Variants in KIAA1217 observed in about 807,000 individuals in gnomAD.
KIAA1217 encodes sickle tail protein homolog.
KIAA1217 carries 88 observed loss-of-function variants against 163.9 expected under a neutral mutation model. That is an observed-to-expected ratio of 0.54 (90% CI 0.45 to 0.64). The LOEUF (loss-of-function observed/expected upper bound fraction) is 0.64. KIAA1217 is among the 30% of genes least tolerant of loss of function. KIAA1217 has a pLI of 0.00. For missense variants in KIAA1217, 2,372 were observed against 2,475.0 expected (o/e 0.96, Z 0.88); for synonymous variants, 903 against 923.1 (o/e 0.98, Z 0.39).
chr10:23,745,921 C>T (rs189774130), intron 1 of KIAA1217, among the ~76,000 whole-genome samples: 7 of 152,338 alleles, frequency 4.6e-5, no homozygotes, highest in Admixed American at 2.6e-4. Flanking sequence ...ACCTTCCTTT[C>T]ATGGTTCAGA....
At chr10:24,096,943 A>G (rs1301023327) in intron 2 of KIAA1217, among the ~76,000 whole-genome samples, 1 of 152,244 alleles carries the variant, frequency 6.6e-6, no homozygotes, top group Non-Finnish European at 1.5e-5. Context: ...CAGGTGCTCC[A>G]TAAATATCTA....
intron 1 of KIAA1217, among the ~76,000 whole-genome samples, chr10:23,855,841 A>G (rs1418583428): frequency 6.6e-6 from 1 of 152,122 alleles, no homozygotes; most frequent in Non-Finnish European, 1.5e-5. Context: ...TGTAGTTCTC[A>G]AGCCTTGGCT....
At chr10:24,177,626 A>G (rs2065974053) in intron 2 of KIAA1217, among the ~76,000 whole-genome samples, 1 of 151,924 alleles carries the variant, frequency 6.6e-6, no homozygotes, top group Non-Finnish European at 1.5e-5. Context: ...TACTTTTACT[A>G]ATGTCTACAA....
chr10:24,502,854 G>A (rs2067844929), intron 9 of KIAA1217, among the ~76,000 whole-genome samples: 1 of 152,148 alleles, frequency 6.6e-6, no homozygotes, highest in South Asian at 2.1e-4. Flanking sequence ...AGGCATGGTG[G>A]GGTGTGCCTC....
At chr10:23,869,875 A>G (rs1236073643) in intron 1 of KIAA1217, among the ~76,000 whole-genome samples, 1 of 152,146 alleles carries the variant, frequency 6.6e-6, no homozygotes, top group Non-Finnish European at 1.5e-5. Flanking sequence ...TATTTAGTTA[A>G]TATCTTGTTG....
intron 1 of KIAA1217, among the ~76,000 whole-genome samples, chr10:23,727,577 A>T (rs7077287): frequency 0.22 from 33,801 of 152,088 alleles, 4,057 homozygotes; most frequent in African/African-American, 0.3. Flanking sequence ...TTTAAAAAAA[A>T]GTTGTTATGA....
At chr10:23,936,490 G>T (rs1220345160) in intron 1 of KIAA1217, among the ~76,000 whole-genome samples, 2 of 152,178 alleles carry the variant, frequency 1.3e-5, no homozygotes, top group Non-Finnish European at 2.9e-5. Context: ...TGGGTTCTAA[G>T]TTCAATCACT....
intron 1 of KIAA1217, among the ~76,000 whole-genome samples, chr10:23,962,784 T>C (rs1844872226): frequency 6.6e-6 from 1 of 152,200 alleles, no homozygotes; most frequent in Non-Finnish European, 1.5e-5. Context: ...TGTTTCCTCT[T>C]CTGTATAGAA....
intron 2 of KIAA1217, among the ~76,000 whole-genome samples, chr10:24,312,773 G>T (rs1364148892): frequency 6.6e-6 from 1 of 152,032 alleles, no homozygotes; most frequent in Non-Finnish European, 1.5e-5. Context: ...AAATTAGCTG[G>T]GTGTGATGGT....
chr10:24,256,265 T>C (rs2280171), intron 2 of KIAA1217, among the ~76,000 whole-genome samples: 112,578 of 151,924 alleles, frequency 0.74, 41,888 homozygotes, highest in Admixed American at 0.8. Context: ...TTGGAGCCCA[T>C]AGTGGCAATC....
At chr10:24,245,427 A>G (rs1049288600) in intron 2 of KIAA1217, among the ~76,000 whole-genome samples, 2 of 152,174 alleles carry the variant, frequency 1.3e-5, no homozygotes, top group African/African-American at 4.8e-5. Context: ...GACACTGTAG[A>G]CTTGCCAGAA....
chr10:24,508,384 C>T (rs1034030372), intron 9 of KIAA1217, among the ~76,000 whole-genome samples: 2 of 152,152 alleles, frequency 1.3e-5, no homozygotes, highest in Non-Finnish European at 2.9e-5. Flanking sequence ...CTACAGAAAA[C>T]ATAGTTAATG....
At chr10:24,166,111 T>C (rs2065332159) in intron 2 of KIAA1217, among the ~76,000 whole-genome samples, 1 of 152,106 alleles carries the variant, frequency 6.6e-6, no homozygotes, top group South Asian at 2.1e-4. Flanking sequence ...TTTTAGACAT[T>C]TGGACAAATC....
chr10:24,132,016 G>GTTCT (rs1254091370), intron 2 of KIAA1217, among the ~76,000 whole-genome samples: 8 of 152,270 alleles, frequency 5.3e-5, no homozygotes, highest in African/African-American at 1.9e-4. Flanking sequence ...ACAGCATGAG[G>GTTCT]TTCTGCTCCA....
chr10:24,305,563 C>G (rs1030746287), intron 2 of KIAA1217, among the ~76,000 whole-genome samples: 4 of 152,132 alleles, frequency 2.6e-5, no homozygotes, highest in African/African-American at 7.2e-5. Context: ...CTAAATCCCC[C>G]CCATGGTTAT....
At chr10:23,820,814 G>A (rs569002841) in intron 1 of KIAA1217, among the ~76,000 whole-genome samples, 1 of 152,258 alleles carries the variant, frequency 6.6e-6, no homozygotes, top group Admixed American at 6.5e-5. Flanking sequence ...GAGTTGGATG[G>A]CACTCATGTA....
At chr10:23,775,837 C>G (rs1413536127) in intron 1 of KIAA1217, among the ~76,000 whole-genome samples, 1 of 152,160 alleles carries the variant, frequency 6.6e-6, no homozygotes, top group Non-Finnish European at 1.5e-5. Context: ...CAAGACATTT[C>G]CATCACAGAC....
intron 1 of KIAA1217, among the ~76,000 whole-genome samples, chr10:23,939,697 T>G (rs1362975074): frequency 6.6e-6 from 1 of 151,570 alleles, no homozygotes; most frequent in Non-Finnish European, 1.5e-5. Flanking sequence ...ACTTAATTAG[T>G]GATAAAACAA....
At position 24,074,253 on chromosome 10, in the gene KIAA1217, G is replaced by A. The variant is rs145214532; in HGVS notation, c.-171+66879G>A. ...AATCCCAGTTACTCAGGAGGCTGAGGCAGGAGAATTGCTTGAACCCGGGAG... is the reference window on the plus strand; with the variant it reads ...AATCCCAGTTACTCAGGAGGCTGAGACAGGAGAATTGCTTGAACCCGGGAG... On this transcript the variant is annotated intron_variant, in intron 2 of 18. Coordinates refer to the KIAA1217 transcript ENST00000376462. Among the ~76,000 whole-genome samples, 158 of 152,226 alleles carry A rather than the reference G, an allele frequency of 1.0e-3. 1 individual carries two copies. Among genetic ancestry groups the A allele is most frequent in the African/African-American group, 3.7e-3 (153 of 41,544 alleles).
Sources: gnomAD v4.1 joint callset for allele counts (sites outside exome capture counted in the v4.1 genomes callset) on GRCh38, gnomAD v4.1.1 for gene constraint, MANE v1.5 for transcripts, NCBI Gene and HGNC (gene_info 2026-07-23, HGNC 2026-07-21) for gene names.